The following SERINC5 variants were observed in gnomAD, a reference collection of about 807,000 sequenced individuals.
The protein encoded by SERINC5 is serine incorporator 5, also known as chromosome 5 open reading frame 12.
In SERINC5, 41 loss-of-function variants were observed where a neutral mutation model predicts 63.1. That is an observed-to-expected ratio of 0.65 (90% CI 0.51 to 0.84). The LOEUF (loss-of-function observed/expected upper bound fraction) is 0.84, where lower values mean the gene tolerates loss of function less well. SERINC5 is among the 40% of genes least tolerant of loss of function. SERINC5 has a pLI of 0.00. For missense variants in SERINC5, 523 were observed against 573.0 expected, an observed-to-expected ratio of 0.91 and a Z score of 0.89; for synonymous variants, 222 against 215.2, an observed-to-expected ratio of 1.03 and a Z score of -0.28.
chr5:80,192,305 T>C (rs1016220216), intron 2 of SERINC5, among the ~76,000 whole-genome samples: 1 of 152,198 alleles, frequency 6.6e-6, no homozygotes, highest in African/African-American at 2.4e-5. Context: ...GAGCAGCTCC[T>C]TTGGGCTGCG....
In SERINC5 at chr5:80,203,035, AC is replaced by A; in HGVS notation, c.45del (p.Ser16LeufsTer38). ...TCACAGCAGAGAGAGCAGCCTGCAG[AC>A]CCACAGCAGCAGGCCAGCTAGAAAA... ...CCAGQLACCC[G>X]SAGCSLCCDC... On this transcript the variant is annotated frameshift_variant, in exon 2 of 12. Coordinates refer to ENST00000507668, the MANE Select transcript of SERINC5 (RefSeq NM_001174072.3). LOFTEE classifies it high-confidence loss of function. The A allele has an allele frequency of 6.2e-7, 1 of 1,610,194 alleles. No homozygotes were observed. The highest frequency in any genetic ancestry group is 8.5e-7 in the Non-Finnish European group (1 of 1,177,936).
At chr5:80,238,788 CAAAA>C (rs34850558) in intron 1 of SERINC5, among the ~76,000 whole-genome samples, 36 of 98,994 alleles carry the variant, frequency 3.6e-4, no homozygotes, top group African/African-American at 1.1e-3. Flanking sequence ...GACTTCATCT[CAAAA>C]AAAAAAAAAA....
chr5:80,212,511 T>A (rs1750478829), intron 1 of SERINC5, among the ~76,000 whole-genome samples: 1 of 152,146 alleles, frequency 6.6e-6, no homozygotes, highest in African/African-American at 2.4e-5. Context: ...GCAGAAGAAA[T>A]GAACACTTCT....
rs112121546 is a variant in SERINC5, at chr5:80,234,090, G to A, written c.27+21806C>T. 9.6e-3 allele frequency among the ~76,000 whole-genome samples: 1,466 copies of A among 152,180 alleles called. 29 individuals are homozygous for A. Among genetic ancestry groups the A allele is most frequent in the African/African-American group, 0.033 (1,367 of 41,528 alleles). ...CTCCCAAAGTGCTGGGATTACAGGC[G>A]TGAGCCACCATGCCCGACCCCAACT... On this transcript the variant is annotated intron_variant, in intron 1 of 11. Transcript: ENST00000507668.
chr5:80,142,874 T>C lies in SERINC5; in HGVS notation c.*789A>G. ...AGAAAACATGAATCTTGTTCTATAA[T>C]CATGTGAATAACACCATAAATAAGC... is the stretch of plus-strand genomic sequence containing the variant. On this transcript the variant is annotated 3_prime_UTR_variant, in exon 12 of 12. Coordinates refer to ENST00000507668, the MANE Select transcript of SERINC5 (RefSeq NM_001174072.3). The C allele has an allele frequency of 2.0e-6, 2 of 985,436 alleles. No individual in the cohort carries two copies. Among genetic ancestry groups the C allele is most frequent in the East Asian group, 1.1e-4 (1 of 8,818 alleles). The allele number at this position is 985,436 out of a possible 1,614,324, so 61.0% of individuals were successfully genotyped here.
At chr5:80,174,407 G>C (rs55701904) in intron 5 of SERINC5, among the ~76,000 whole-genome samples, 1 of 85,564 alleles carries the variant, frequency 1.2e-5, no homozygotes, top group East Asian at 7.2e-4. Flanking sequence ...AATAATAAAA[G>C]AAAAAGAAAA....
At chr5:80,169,637 C>A (rs1448935830) in intron 5 of SERINC5, 91 bp from the exon 6 acceptor site, 9 of 983,664 alleles carry the variant, frequency 9.1e-6, no homozygotes, top group Admixed American at 6.2e-5. Flanking sequence ...ATCCCTCAGG[C>A]AGTAACTAAT....
chr5:80,203,724 G>A (rs1481154417), intron 1 of SERINC5, among the ~76,000 whole-genome samples: 1 of 151,844 alleles, frequency 6.6e-6, no homozygotes, highest in Non-Finnish European at 1.5e-5. Flanking sequence ...GGAATTTCCT[G>A]AGTGACAGAG....
rs1561393311 is a variant in SERINC5 at position 80,173,282 on chromosome 5, A to ATG, written c.551+1671_551+1672insCA. On this transcript the variant is annotated intron_variant, in intron 5 of 11. Coordinates refer to ENST00000507668, the MANE Select transcript of SERINC5 (RefSeq NM_001174072.3). ...GGAAGGAAGGAAGGAAGGAAGGAAG[A>ATG]AAATGAAATGAAATGAAATGAAAAG... 6.5e-4 allele frequency among the ~76,000 whole-genome samples: 94 copies of ATG among 145,658 alleles called. 1 individual carries two copies. Among genetic ancestry groups the ATG allele is most frequent in the African/African-American group, 2.2e-3 (86 of 38,580 alleles).
At chr5:80,235,991 C>T (rs1384632938) in intron 1 of SERINC5, among the ~76,000 whole-genome samples, 1 of 151,896 alleles carries the variant, frequency 6.6e-6, no homozygotes, top group Non-Finnish European at 1.5e-5. Context: ...AAAAGTTCAC[C>T]CATCTTTTCT....
At chr5:80,148,516 AAACTT>A (rs576877417) in intron 9 of SERINC5, among the ~76,000 whole-genome samples, 2 of 151,976 alleles carry the variant, frequency 1.3e-5, no homozygotes, top group Non-Finnish European at 2.9e-5. Flanking sequence ...TCAAAACAAT[AAACTT>A]AATTTTAAAA....
intron 1 of SERINC5, among the ~76,000 whole-genome samples, chr5:80,237,577 C>T (rs1751753018): frequency 1.3e-5 from 2 of 151,972 alleles, no homozygotes; most frequent in East Asian, 2.0e-4. Context: ...TCAAGTAATC[C>T]GCCCACCTCG....
chr5:80,218,464 C>T (rs901325501), intron 1 of SERINC5, among the ~76,000 whole-genome samples: 2 of 151,970 alleles, frequency 1.3e-5, no homozygotes, highest in East Asian at 1.9e-4. Context: ...CACTTGAACC[C>T]GGGAGGCAGA....
chr5:80,247,974 A>G (rs1212998118), intron 1 of SERINC5, among the ~76,000 whole-genome samples: 1 of 151,960 alleles, frequency 6.6e-6, no homozygotes, highest in Non-Finnish European at 1.5e-5. Context: ...TCAGCCTCCC[A>G]AGTAGCTGGG....
chr5:80,139,725 A>C lies in SERINC5; in HGVS notation c.*3938T>G. On this transcript the variant is annotated 3_prime_UTR_variant, in exon 12 of 12. Transcript: ENST00000507668. Reference sequence around the variant, plus strand: ...ACTAAGTTAACTAGCAAGTTACAGGAAATAGCCTTCAGTAAATTCCACAAG... The same window carrying C: ...ACTAAGTTAACTAGCAAGTTACAGGCAATAGCCTTCAGTAAATTCCACAAG... The C allele has an allele frequency of 1.0e-6, 1 of 985,490 alleles. No individual in the cohort carries two copies. The allele number at this position is 985,490 out of a possible 1,614,324, so 61.0% of individuals were successfully genotyped here. A position where few individuals can be genotyped will look rare whatever the true frequency, so the allele number is the denominator to read the frequency against.
intron 5 of SERINC5, 126 bp downstream of exon 5, chr5:80,174,828 G>A (rs1190933832): frequency 1.2e-5 from 7 of 586,332 alleles, no homozygotes; most frequent in Non-Finnish European, 2.1e-5. Context: ...TAAATGAAGA[G>A]GTACAAAAAA....
At chr5:80,237,177 C>A (rs1489109672) in intron 1 of SERINC5, among the ~76,000 whole-genome samples, 1 of 152,166 alleles carries the variant, frequency 6.6e-6, no homozygotes, top group Non-Finnish European at 1.5e-5. Flanking sequence ...GGGTCAGGTG[C>A]ATCCTTGGTA....
chr5:80,143,432 T>C lies in SERINC5; in HGVS notation c.*231A>G. Reference sequence around the variant, plus strand: ...GTATCCAGTTCCTAGGGGTAAGATATTTCAACCATGATCAGTTTGGTTGAA... The same window carrying C: ...GTATCCAGTTCCTAGGGGTAAGATACTTCAACCATGATCAGTTTGGTTGAA... On this transcript the variant is annotated 3_prime_UTR_variant, in exon 12 of 12. Transcript: ENST00000507668. The C allele has an allele frequency of 7.8e-7, 1 of 1,287,232 alleles. No homozygotes were observed. Among genetic ancestry groups the C allele is most frequent in the Non-Finnish European group, 9.8e-7 (1 of 1,017,610 alleles). 79.7% of individuals were successfully genotyped at this position (1,287,232 alleles called of 1,614,324 possible).
chr5:80,173,236 AGG>A (rs1580109613), intron 5 of SERINC5, among the ~76,000 whole-genome samples: 1 of 115,396 alleles, frequency 8.7e-6, no homozygotes, highest in East Asian at 2.1e-4. Flanking sequence ...GAAGGAAGGA[AGG>A]AAGGAAGGAA....
Sources: gnomAD v4.1 joint callset for allele counts (sites outside exome capture counted in the v4.1 genomes callset) on GRCh38, gnomAD v4.1.1 for gene constraint, MANE v1.5 for transcripts, NCBI Gene and HGNC (gene_info 2026-07-23, HGNC 2026-07-21) for gene names.